GRIK2: variants seen among roughly 807,000 people sequenced by gnomAD.
The protein encoded by GRIK2 is glutamate receptor ionotropic, kainate 2.
Under a neutral mutation model 100.3 loss-of-function variants are expected in GRIK2, and 32 were observed. The ratio of observed to expected loss-of-function variants is 0.32; its 90% CI spans 0.24 to 0.43. The LOEUF is 0.43. GRIK2 is among the 20% of genes least tolerant of loss of function. The pLI, the probability that GRIK2 is intolerant of heterozygous loss-of-function variation, is 1.00. For missense variants in GRIK2, 843 were observed against 1,114.9 expected, an observed-to-expected ratio of 0.76 and a Z score of 3.47; for synonymous variants, 417 against 389.4, an observed-to-expected ratio of 1.07 and a Z score of -0.83.
intron 2 of GRIK2, among the ~76,000 whole-genome samples, chr6:101,602,755 T>C (rs1344201722): frequency 6.6e-6 from 1 of 151,554 alleles, no homozygotes; most frequent in Non-Finnish European, 1.5e-5. Context: ...TAGAATAAAA[T>C]AAAAAGCCAG....
chr6:101,570,137 T>C (rs1460698604), intron 2 of GRIK2, among the ~76,000 whole-genome samples: 1 of 152,108 alleles, frequency 6.6e-6, no homozygotes, highest in Non-Finnish European at 1.5e-5. Context: ...TGAAAACATA[T>C]AGGCTCAAGT....
At position 101,859,578 on chromosome 6, in the gene GRIK2, A is replaced by G. The variant is rs78290734; in HGVS notation, c.1524+85A>G. On this transcript the variant is annotated intron_variant, in intron 11 of 16. Coordinates refer to ENST00000369134, the MANE Select transcript of GRIK2 (RefSeq NM_021956.5). Reference sequence around the variant, plus strand: ...GTTGATGTATATGAAATAACTACAAAGAGTAGTGATATATTTCAAGCATGT... The same window carrying G: ...GTTGATGTATATGAAATAACTACAAGGAGTAGTGATATATTTCAAGCATGT... 3.3e-3 allele frequency: 2,501 copies of G among 751,330 alleles called. 47 individuals are homozygous for G. In the African/African-American group the frequency reaches 0.039, roughly 12 times the overall value. The allele number at this position is 751,330 out of a possible 1,614,324, so 46.5% of individuals were successfully genotyped here.
At chr6:101,611,030 T>C (rs1582822329) in intron 2 of GRIK2, among the ~76,000 whole-genome samples, 1 of 151,758 alleles carries the variant, frequency 6.6e-6, no homozygotes, top group African/African-American at 2.4e-5. Context: ...GCCTCTACTT[T>C]AAAATTAATA....
chr6:101,523,718 G>GTTTTTTTTT (rs1562199711), intron 2 of GRIK2, among the ~76,000 whole-genome samples: 1 of 125,948 alleles, frequency 7.9e-6, no homozygotes, highest in Non-Finnish European at 1.8e-5. Flanking sequence ...TGACTCCTAA[G>GTTTTTTTTT]TCTTTTTTTT....
intron 10 of GRIK2, among the ~76,000 whole-genome samples, chr6:101,841,630 C>T (rs1157153989): frequency 6.6e-6 from 1 of 152,114 alleles, no homozygotes; most frequent in African/African-American, 2.4e-5. Flanking sequence ...TCCCAAAGTG[C>T]TGGGATTACA....
intron 15 of GRIK2, among the ~76,000 whole-genome samples, chr6:102,045,710 A>G (rs1770851653): frequency 6.6e-6 from 1 of 152,132 alleles, no homozygotes; most frequent in African/African-American, 2.4e-5. Flanking sequence ...AAAGATCTTA[A>G]CAGACACCTC....
intron 14 of GRIK2, among the ~76,000 whole-genome samples, chr6:101,955,108 T>C (rs949363525): frequency 6.6e-6 from 1 of 152,170 alleles, no homozygotes. Flanking sequence ...TGCTGGTATT[T>C]TGTTGATACA....
intron 7 of GRIK2, among the ~76,000 whole-genome samples, chr6:101,691,635 T>G (rs1286385269): frequency 6.6e-6 from 1 of 152,100 alleles, no homozygotes; most frequent in Admixed American, 6.6e-5. Context: ...AGTGAAAGTA[T>G]AGTAAGTTAG....
At position 102,006,390 on chromosome 6, in the gene GRIK2, A is replaced by ATATATATTTTT. The variant is rs1315524835; in HGVS notation, c.2086-28950_2086-28949insATATATTTTTT. On this transcript the variant is annotated intron_variant, in intron 14 of 16. Transcript: ENST00000369134. ...CTTTTATATATATATATATATATAT[A>ATATATATTTTT]TTTTTTTTTTTTTTGAGACATACAG... 5.3e-3 allele frequency among the ~76,000 whole-genome samples: 602 copies of ATATATATTTTT among 114,012 alleles called. 15 individuals are homozygous for ATATATATTTTT. The highest frequency in any genetic ancestry group is 0.026 in the African/African-American group (564 of 21,832). The allele number at this position is 114,012 out of a possible 152,430, so 74.8% of individuals were successfully genotyped here.
chr6:101,608,630 G>T (rs1476183306), intron 2 of GRIK2, among the ~76,000 whole-genome samples: 1 of 151,772 alleles, frequency 6.6e-6, no homozygotes, highest in Admixed American at 6.6e-5. Flanking sequence ...CATTCAACAT[G>T]GAGTAAATGC....
chr6:101,595,622 G>C (rs1229677801), intron 2 of GRIK2, among the ~76,000 whole-genome samples: 1 of 150,096 alleles, frequency 6.7e-6, no homozygotes, highest in Non-Finnish European at 1.5e-5. Context: ...ACACACATGT[G>C]TATGCATACA....
intron 7 of GRIK2, among the ~76,000 whole-genome samples, chr6:101,689,703 A>G (rs763416069): frequency 6.6e-6 from 1 of 152,080 alleles, no homozygotes; most frequent in Non-Finnish European, 1.5e-5. Context: ...ATAAAGCTCA[A>G]CACTCTTCTT....
chr6:101,416,831 A>C (rs1462151253), intron 2 of GRIK2, among the ~76,000 whole-genome samples: 2 of 152,196 alleles, frequency 1.3e-5, no homozygotes, highest in Non-Finnish European at 2.9e-5. Flanking sequence ...GTTGTCATCT[A>C]TGGAGTAGGA....
At chr6:101,876,222 T>C (rs1785829124) in intron 11 of GRIK2, among the ~76,000 whole-genome samples, 1 of 151,840 alleles carries the variant, frequency 6.6e-6, no homozygotes, top group Admixed American at 6.6e-5. Context: ...AATGAAGTGT[T>C]ACACATTTCA....
chr6:101,808,042 GTAAC>G (rs1781114060), intron 9 of GRIK2, among the ~76,000 whole-genome samples: 2 of 151,998 alleles, frequency 1.3e-5, no homozygotes, highest in African/African-American at 4.8e-5. Context: ...TAACCAGGAT[GTAAC>G]TTATTGTTGG....
intron 15 of GRIK2, among the ~76,000 whole-genome samples, chr6:102,039,219 A>G (rs568176153): frequency 2.6e-5 from 4 of 151,444 alleles, no homozygotes; most frequent in Admixed American, 1.3e-4. Flanking sequence ...TAATTAAGGA[A>G]CCTCTGTTTA....
At position 101,676,631 on chromosome 6, in the gene GRIK2, C is replaced by A; in HGVS notation, c.550C>A (p.Arg184Ser). ...VVYDDSTGLI[R>S]LQELIKAPSR... ...TTCCATTTTAATTAAAGGTCTCATT[C>A]GTTTGCAAGAGCTCATCAAAGCTCC... The change falls in exon 5 of 17, where the codon CGT becomes AGT. Residue 184 changes from arginine (R) to serine (S), a missense_variant. This residue lies in a region of GRIK2 where 519 missense variants were observed against 643.8 expected (regional missense o/e 0.81). Coordinates refer to ENST00000369134, the MANE Select transcript of GRIK2 (RefSeq NM_021956.5). 1 of 1,507,178 alleles carries A rather than the reference C, an allele frequency of 6.6e-7. No homozygotes were observed. The highest frequency in any genetic ancestry group is 8.9e-7 in the Non-Finnish European group (1 of 1,124,984). The allele number at this position is 1,507,178 out of a possible 1,614,324, so 93.4% of individuals were successfully genotyped here.
intron 14 of GRIK2, among the ~76,000 whole-genome samples, chr6:102,032,908 G>A (rs1158481264): frequency 6.6e-6 from 1 of 151,184 alleles, no homozygotes; most frequent in Non-Finnish European, 1.5e-5. Context: ...TCACTGTGGG[G>A]TATATAGTGG....
chr6:101,822,082 T>C (rs1412131778), intron 10 of GRIK2, among the ~76,000 whole-genome samples: 3 of 151,758 alleles, frequency 2.0e-5, no homozygotes, highest in Admixed American at 1.3e-4. Flanking sequence ...TATTCATTAT[T>C]TTATTTGATG....
Sources: gnomAD v4.1 joint callset for allele counts (sites outside exome capture counted in the v4.1 genomes callset) on GRCh38, gnomAD v4.1.1 for gene constraint, gnomAD v4.1.1 regional missense constraint, MANE v1.5 for transcripts, NCBI Gene and HGNC (gene_info 2026-07-23, HGNC 2026-07-21) for gene names.